The following GALNTL6 variants were observed in gnomAD, a reference collection of about 807,000 sequenced individuals.
The protein encoded by GALNTL6 is polypeptide N-acetylgalactosaminyltransferase-like 6.
A neutral mutation model predicts 73.7 loss-of-function variants in GALNTL6; 46 were observed. The observed-to-expected ratio is 0.62, with a 90% CI of 0.49 to 0.80. The LOEUF (loss-of-function observed/expected upper bound fraction) is 0.80, where lower values mean the gene tolerates loss of function less well. GALNTL6 is among the 30% of genes least tolerant of loss of function. The pLI, the probability that GALNTL6 is intolerant of heterozygous loss-of-function variation, is 0.00. For synonymous variants in GALNTL6, 259 were observed against 263.7 expected, an observed-to-expected ratio of 0.98 and a Z score of 0.17; for missense variants, 604 against 755.0, an observed-to-expected ratio of 0.80 and a Z score of 2.34.
At chr4:172,263,741 T>C (rs1026149496) in intron 3 of GALNTL6, among the ~76,000 whole-genome samples, 3 of 151,766 alleles carry the variant, frequency 2.0e-5, no homozygotes, top group African/African-American at 7.2e-5. Context: ...TATTTTCTTA[T>C]TTTAAAGTTT....
intron 2 of GALNTL6, among the ~76,000 whole-genome samples, chr4:172,108,762 A>C (rs1231861652): frequency 6.6e-6 from 1 of 152,116 alleles, no homozygotes; most frequent in Admixed American, 6.6e-5. Flanking sequence ...GGCTCATCCC[A>C]GCACTTTGGG....
At chr4:172,865,367 C>T (rs1327530512) in intron 7 of GALNTL6, among the ~76,000 whole-genome samples, 1 of 152,182 alleles carries the variant, frequency 6.6e-6, no homozygotes, top group Non-Finnish European at 1.5e-5. Flanking sequence ...AGACTACAGT[C>T]CTGATAATAT....
chr4:172,031,722 A>C lies in GALNTL6; in HGVS notation c.139-197934A>C, dbSNP rs554502885. ...GTCCTCAGCCTCAGTGTGAAGATGA[A>C]TCTCATTTCCTTGAAATACTGCTCC... On this transcript the variant is annotated intron_variant, in intron 2 of 12. Transcript: ENST00000506823. Among the ~76,000 whole-genome samples, 96 of 152,024 alleles carry C rather than the reference A, an allele frequency of 6.3e-4. 1 individual carries two copies. Among genetic ancestry groups the C allele is most frequent in the Non-Finnish European group, 1.2e-3 (81 of 67,952 alleles).
intron 2 of GALNTL6, among the ~76,000 whole-genome samples, chr4:171,997,316 C>T (rs1413214018): frequency 6.6e-6 from 1 of 152,024 alleles, no homozygotes; most frequent in Non-Finnish European, 1.5e-5. Flanking sequence ...TTTTTGAACA[C>T]AGCAAATATC....
At chr4:172,977,997 A>T (rs1750903694) in intron 10 of GALNTL6, among the ~76,000 whole-genome samples, 1 of 151,914 alleles carries the variant, frequency 6.6e-6, no homozygotes, top group African/African-American at 2.4e-5. Flanking sequence ...CCGCCACCAC[A>T]CCCAGCTAAT....
At chr4:171,918,876 T>C (rs1737702676) in intron 2 of GALNTL6, among the ~76,000 whole-genome samples, 2 of 152,056 alleles carry the variant, frequency 1.3e-5, no homozygotes, top group African/African-American at 4.8e-5. Flanking sequence ...CTAAATGAAA[T>C]AAGCCCGTCA....
intron 2 of GALNTL6, among the ~76,000 whole-genome samples, chr4:172,074,461 C>T (rs922723200): frequency 1.3e-4 from 20 of 152,080 alleles, no homozygotes; most frequent in Admixed American, 9.2e-4. Flanking sequence ...GCCAAGAGTG[C>T]GGTTCTATCA....
chr4:172,777,278 A>G (rs1007251477), intron 5 of GALNTL6, among the ~76,000 whole-genome samples: 1 of 152,196 alleles, frequency 6.6e-6, no homozygotes, highest in Non-Finnish European at 1.5e-5. Context: ...ATAGCTACGT[A>G]TCTTTCCATC....
intron 3 of GALNTL6, among the ~76,000 whole-genome samples, chr4:172,257,734 C>G (rs764508469): frequency 2.0e-5 from 3 of 151,272 alleles, no homozygotes; most frequent in African/African-American, 7.3e-5. Flanking sequence ...GAAATTAGGT[C>G]TTTCATCTGT....
At chr4:172,057,394 A>G (rs374890836) in intron 2 of GALNTL6, among the ~76,000 whole-genome samples, 1 of 151,780 alleles carries the variant, frequency 6.6e-6, no homozygotes, top group East Asian at 1.9e-4. Context: ...GTAGCTTTTA[A>G]AAAAAAGTGT....
At chr4:172,037,735 A>C (rs1418788693) in intron 2 of GALNTL6, among the ~76,000 whole-genome samples, 1 of 152,188 alleles carries the variant, frequency 6.6e-6, no homozygotes, top group Non-Finnish European at 1.5e-5. Flanking sequence ...AATCATGAGC[A>C]ATATTGCTAT....
At chr4:172,839,187 G>T (rs2111077618) in intron 7 of GALNTL6, among the ~76,000 whole-genome samples, 1 of 152,346 alleles carries the variant, frequency 6.6e-6, no homozygotes, top group South Asian at 2.1e-4. Flanking sequence ...CAAGGTTGCA[G>T]GTCTGAGCCG....
At chr4:171,928,247 A>G (rs1270676908) in intron 2 of GALNTL6, among the ~76,000 whole-genome samples, 1 of 152,176 alleles carries the variant, frequency 6.6e-6, no homozygotes, top group African/African-American at 2.4e-5. Flanking sequence ...AACTCATGGA[A>G]TCCTCATGAC....
intron 5 of GALNTL6, among the ~76,000 whole-genome samples, chr4:172,762,254 GA>G (rs1738153805): frequency 6.6e-6 from 1 of 152,122 alleles, no homozygotes; most frequent in Admixed American, 6.5e-5. Context: ...GTACAAGAGG[GA>G]AAAGTCAAAT....
intron 5 of GALNTL6, among the ~76,000 whole-genome samples, chr4:172,427,522 G>C (rs546803805): frequency 6.6e-6 from 1 of 152,164 alleles, no homozygotes; most frequent in South Asian, 2.1e-4. Flanking sequence ...AGAAGGGAAG[G>C]AGGAAGTAAA....
intron 7 of GALNTL6, among the ~76,000 whole-genome samples, chr4:172,850,485 T>C (rs555402961): frequency 1.3e-5 from 2 of 152,284 alleles, no homozygotes; most frequent in South Asian, 4.1e-4. Context: ...TTCTTCTACA[T>C]TCACGCTTAT....
At chr4:172,271,781 TAAC>T (rs960666629) in intron 3 of GALNTL6, among the ~76,000 whole-genome samples, 16 of 152,106 alleles carry the variant, frequency 1.1e-4, no homozygotes, top group African/African-American at 3.6e-4. Flanking sequence ...CATACAGAGA[TAAC>T]AAACAGATAT....
intron 5 of GALNTL6, among the ~76,000 whole-genome samples, chr4:172,471,209 G>A (rs1031590840): frequency 1.8e-4 from 28 of 152,122 alleles, no homozygotes; most frequent in African/African-American, 6.8e-4. Context: ...CTGCATGCAG[G>A]TTGATCAATA....
chr4:172,391,783 A>T (rs977825361), intron 5 of GALNTL6, among the ~76,000 whole-genome samples: 1 of 152,168 alleles, frequency 6.6e-6, no homozygotes, highest in Non-Finnish European at 1.5e-5. Flanking sequence ...TGCCAAACAC[A>T]TAGAAAGGAT....
Sources: gnomAD v4.1 joint callset for allele counts (sites outside exome capture counted in the v4.1 genomes callset) on GRCh38, gnomAD v4.1.1 for gene constraint, MANE v1.5 for transcripts, NCBI Gene and HGNC (gene_info 2026-07-23, HGNC 2026-07-21) for gene names.